SMIM14: variants seen among roughly 807,000 people sequenced by gnomAD.
SMIM14 encodes the protein small integral membrane protein 14.
Under a neutral mutation model 12.6 loss-of-function variants are expected in SMIM14, and 5 were observed. That is an observed-to-expected ratio of 0.40 (90% CI 0.21 to 0.83). The LOEUF (loss-of-function observed/expected upper bound fraction) is 0.83. SMIM14 is among the 40% of genes least tolerant of loss of function. SMIM14 has a pLI of 0.37. For missense variants in SMIM14, 86 were observed against 119.1 expected, an observed-to-expected ratio of 0.72 and a Z score of 1.29; for synonymous variants, 30 against 40.1, an observed-to-expected ratio of 0.75 and a Z score of 0.95.
intron 1 of SMIM14, among the ~76,000 whole-genome samples, chr4:39,615,737 A>C (rs1201064343): frequency 6.6e-6 from 1 of 152,204 alleles, no homozygotes; most frequent in Non-Finnish European, 1.5e-5. Context: ...GGATCAATGA[A>C]ACAAGACTGG....
At position 39,597,438 on chromosome 4, in the gene SMIM14, A is replaced by ATT. The variant is rs869157163; in HGVS notation, c.75+7631_75+7632dup. On this transcript the variant is annotated intron_variant, in intron 2 of 4. Coordinates refer to ENST00000295958, the MANE Select transcript of SMIM14 (RefSeq NM_174921.3). ...TCAGAAAGTCATTGTCACTGGTGGTATTTTTTTTTTTTTTTTTTTTTTGGA... is the reference window on the plus strand; with the variant it reads ...TCAGAAAGTCATTGTCACTGGTGGTATTTTTTTTTTTTTTTTTTTTTTTTGGA... Among the ~76,000 whole-genome samples the ATT allele has an allele frequency of 3.4e-3, 399 of 116,492 alleles. 1 individual carries two copies. Among genetic ancestry groups the ATT allele is most frequent in the East Asian group, 6.5e-3 (25 of 3,866 alleles). The allele number at this position is 116,492 out of a possible 152,430, so 76.4% of individuals were successfully genotyped here. A position where few individuals can be genotyped will look rare whatever the true frequency, so the allele number is the denominator to read the frequency against.
intron 2 of SMIM14, 104 bp downstream of exon 2, chr4:39,604,967 T>C (rs1311839417): frequency 2.7e-6 from 2 of 733,498 alleles, no homozygotes; most frequent in Non-Finnish European, 4.7e-6. Flanking sequence ...AAATACTCTT[T>C]AGTGACCATC....
At chr4:39,589,757 AG>A (rs1460700501) in intron 2 of SMIM14, 1 of 152,112 alleles carries the variant, frequency 6.6e-6, no homozygotes, top group African/African-American at 2.4e-5. Context: ...AAGGAACACT[AG>A]GCGGCCGGGC....
At chr4:39,619,876 ATT>A (rs368919092) in intron 1 of SMIM14, among the ~76,000 whole-genome samples, 67 of 115,842 alleles carry the variant, frequency 5.8e-4, no homozygotes, top group South Asian at 3.1e-3. Context: ...ATATATATAT[ATT>A]TTTTTTTTTT....
At chr4:39,602,316 C>T (rs62307813) in intron 2 of SMIM14, among the ~76,000 whole-genome samples, 24 of 151,528 alleles carry the variant, frequency 1.6e-4, no homozygotes, top group Non-Finnish European at 3.4e-4. Context: ...GAATATTGGC[C>T]GGGCGCAGTG....
chr4:39,616,605 T>C (rs2110069133), intron 1 of SMIM14, among the ~76,000 whole-genome samples: 1 of 148,926 alleles, frequency 6.7e-6, no homozygotes, highest in Admixed American at 6.7e-5. Context: ...TGTGAGCTTA[T>C]CTTCTCTATA....
At chr4:39,573,078 T>TTTA (rs200155307) in intron 2 of SMIM14, among the ~76,000 whole-genome samples, 3,602 of 150,076 alleles carry the variant, frequency 0.024, 63 homozygotes, top group Non-Finnish European at 0.034. Flanking sequence ...TGTTTTGGTT[T>TTTA]TTATTATTAT....
intron 2 of SMIM14, among the ~76,000 whole-genome samples, chr4:39,603,133 CA>C (rs979676931): frequency 2.6e-5 from 4 of 151,400 alleles, no homozygotes; most frequent in South Asian, 2.1e-4. Context: ...TTCCAAAATG[CA>C]AAAAAAATCC....
chr4:39,617,904 A>G (rs1324232311), intron 1 of SMIM14, among the ~76,000 whole-genome samples: 2 of 152,246 alleles, frequency 1.3e-5, no homozygotes, highest in African/African-American at 4.8e-5. Flanking sequence ...TTAAAAACAT[A>G]TAAGACGGAA....
chr4:39,614,743 A>G (rs1383612876), intron 1 of SMIM14, among the ~76,000 whole-genome samples: 2 of 152,230 alleles, frequency 1.3e-5, no homozygotes, highest in Non-Finnish European at 1.5e-5. Flanking sequence ...AACATGGTTT[A>G]TAAGTGACTT....
intron 2 of SMIM14, among the ~76,000 whole-genome samples, chr4:39,597,064 C>T (rs1437163369): frequency 6.7e-6 from 1 of 150,130 alleles, no homozygotes; most frequent in African/African-American, 2.5e-5. Flanking sequence ...GGATGAGCCA[C>T]GGTGCCCGGC....
chr4:39,630,288 C>A (rs1344037863), intron 1 of SMIM14, among the ~76,000 whole-genome samples: 1 of 152,140 alleles, frequency 6.6e-6, no homozygotes, highest in East Asian at 1.9e-4. Flanking sequence ...ATGTAGTAGT[C>A]CCAGCTACTC....
At chr4:39,603,919 G>A (rs1014846650) in intron 2 of SMIM14, among the ~76,000 whole-genome samples, 1 of 151,480 alleles carries the variant, frequency 6.6e-6, no homozygotes, top group Non-Finnish European at 1.5e-5. Context: ...GTTGAGGCAG[G>A]AGAATCACTT....
In SMIM14 at chr4:39,548,098, T is replaced by A. The variant is rs1249542369; in HGVS notation, c.*4028A>T. ...TTTTGTATTTTTAGTGGAGATGGAG[T>A]TTTTCCATGTTGGCCAGGCTGGTCT... On this transcript the variant is annotated 3_prime_UTR_variant, in exon 5 of 5. Coordinates refer to ENST00000295958, the MANE Select transcript of SMIM14 (RefSeq NM_174921.3). The A allele has an allele frequency of 6.6e-6, 1 of 151,866 alleles. No individual in the cohort carries two copies. Among genetic ancestry groups the A allele is most frequent in the Non-Finnish European group, 1.5e-5 (1 of 68,016 alleles). 9.4% of individuals were successfully genotyped at this position (151,866 alleles called of 1,614,324 possible).
chr4:39,610,660 A>C lies in SMIM14; in HGVS notation c.-35-5480T>G, dbSNP rs1714992077. On this transcript the variant is annotated intron_variant, in intron 1 of 4. Transcript: ENST00000295958. ...TAGTGAGCTATGATCACACCACTGC[A>C]CTCTAGCCTGAGTGACAGAACTAGA... Among the ~76,000 whole-genome samples the C allele has an allele frequency of 3.3e-5, 5 of 151,006 alleles. No homozygotes were observed. In the South Asian group the frequency reaches 8.3e-4, roughly 25 times the overall value.
At chr4:39,555,537 G>C (rs1711966694) in intron 4 of SMIM14, among the ~76,000 whole-genome samples, 1 of 152,176 alleles carries the variant, frequency 6.6e-6, no homozygotes, top group African/African-American at 2.4e-5. Context: ...CTGGCCAACA[G>C]AGGTTCTCTT....
At chr4:39,614,127 G>C (rs938356699) in intron 1 of SMIM14, among the ~76,000 whole-genome samples, 3 of 144,650 alleles carry the variant, frequency 2.1e-5, no homozygotes, top group African/African-American at 5.1e-5. Flanking sequence ...GAGGGTTGTA[G>C]TGAGCCGAGA....
At chr4:39,624,057 T>C (rs989195199) in intron 1 of SMIM14, among the ~76,000 whole-genome samples, 6 of 152,242 alleles carry the variant, frequency 3.9e-5, no homozygotes, top group African/African-American at 1.2e-4. Flanking sequence ...AAGCATTCTA[T>C]GCATTTTTAT....
At chr4:39,631,917 A>T (rs1423868330) in intron 1 of SMIM14, among the ~76,000 whole-genome samples, 1 of 142,396 alleles carries the variant, frequency 7.0e-6, no homozygotes, top group African/African-American at 2.6e-5. Context: ...GCCTAAATTT[A>T]AAAAAAAAAA....
Sources: allele counts gnomAD v4.1 joint callset (sites outside exome capture counted in the v4.1 genomes callset), GRCh38; gene constraint gnomAD v4.1.1; transcripts MANE v1.5; gene names NCBI Gene and HGNC (gene_info 2026-07-23, HGNC 2026-07-21).